Variants in THNSL1 observed in about 807,000 individuals in gnomAD.
THNSL1 encodes the protein threonine synthase like 1.
THNSL1 carries 48 observed loss-of-function variants against 50.4 expected under a neutral mutation model. The observed-to-expected ratio is 0.95, with a 90% CI of 0.76 to 1.21. The LOEUF is 1.21. THNSL1 is among the 50% of genes most tolerant of loss of function. The probability of loss-of-function intolerance (pLI) is 0.00; values close to 1 mark genes in which losing one functional copy is unlikely to be tolerated. For missense variants in THNSL1, 896 were observed against 871.7 expected, an observed-to-expected ratio of 1.03 and a Z score of -0.35; for synonymous variants, 309 against 306.1, an observed-to-expected ratio of 1.01 and a Z score of -0.10.
chr10:25,008,991 C>T, the THNSL1 span, among the ~76,000 whole-genome samples: 58 of 151,592 alleles, frequency 3.8e-4, no homozygotes, highest in African/African-American at 1.1e-3. Context: ...TCATTCTCAG[C>T]AAACTATCAC....
the THNSL1 span, among the ~76,000 whole-genome samples, chr10:25,007,204 T>C: frequency 6.6e-6 from 1 of 152,150 alleles, no homozygotes; most frequent in African/African-American, 2.4e-5. Context: ...AATATATTGT[T>C]AGTATTGCTT....
chr10:24,972,699 T>C, the THNSL1 span, among the ~76,000 whole-genome samples: 1 of 152,234 alleles, frequency 6.6e-6, no homozygotes, highest in African/African-American at 2.4e-5. Flanking sequence ...TAGCTTGGAA[T>C]AAAATCCCAG....
At chr10:25,021,644 A>T (rs1383048504) in intron 1 of THNSL1, 98 bp from the exon 2 acceptor site, 1 of 152,210 alleles carries the variant, frequency 6.6e-6, no homozygotes, top group Non-Finnish European at 1.5e-5. Flanking sequence ...GTATTTTTAA[A>T]ATTTCAGATG....
the THNSL1 span, among the ~76,000 whole-genome samples, chr10:25,006,796 C>G: frequency 6.6e-6 from 1 of 152,110 alleles, no homozygotes; most frequent in Non-Finnish European, 1.5e-5. Context: ...CTGTGCAAAC[C>G]AATTAAACTT....
At chr10:24,953,494 C>A in the THNSL1 span, 8 of 152,354 alleles carry the variant, frequency 5.3e-5, no homozygotes, top group African/African-American at 1.2e-4. Context: ...CTAAAGCAAT[C>A]GCTCTTTTCT....
chr10:24,995,899 T>G, the THNSL1 span: 1 of 1,558,438 alleles, frequency 6.4e-7, no homozygotes, highest in Non-Finnish European at 8.7e-7. Context: ...TTTGTTAATA[T>G]TAAACTACAA....
Position 25,024,414 on chromosome 10 carries a change from T to TAA in THNSL1, c.1192_1193dup (p.Gln399SerfsTer4). On this transcript the variant is annotated frameshift_variant, in exon 3 of 3. Transcript: ENST00000376356. LOFTEE classifies it high-confidence loss of function. ...GTTTTAGTCGTCTAAATAAGAATGA[T>TAA]AAGCAAAGGATAGCTGTGGTTGCAT... 1 of 1,613,964 alleles carries TAA rather than the reference T, an allele frequency of 6.2e-7. No individual in the cohort carries two copies. Among genetic ancestry groups the TAA allele is most frequent in the Non-Finnish European group, 8.5e-7 (1 of 1,180,018 alleles).
intron 1 of THNSL1, among the ~76,000 whole-genome samples, chr10:25,018,046 G>GC (rs1365722168): frequency 6.6e-6 from 1 of 152,108 alleles, no homozygotes; most frequent in African/African-American, 2.4e-5. Context: ...GCACCAACTG[G>GC]CCTTTGGTAG....
At chr10:25,017,479 C>G (rs1366125718) in intron 1 of THNSL1, among the ~76,000 whole-genome samples, 1 of 152,136 alleles carries the variant, frequency 6.6e-6, no homozygotes, top group Admixed American at 6.5e-5. Context: ...TTCTCACTGC[C>G]TGGTTGGCTG....
At chr10:25,010,324 C>T in the THNSL1 span, among the ~76,000 whole-genome samples, 1 of 151,990 alleles carries the variant, frequency 6.6e-6, no homozygotes, top group Admixed American at 6.6e-5. Context: ...GAGATGATTC[C>T]GGGCATCTGA....
At chr10:24,993,746 T>C in the THNSL1 span, among the ~76,000 whole-genome samples, 84 of 152,352 alleles carry the variant, frequency 5.5e-4, 1 homozygote, top group East Asian at 0.013. Flanking sequence ...CATGGTTTGG[T>C]AAACTCTGGT....
the THNSL1 span, among the ~76,000 whole-genome samples, chr10:24,990,302 A>G: frequency 6.6e-6 from 1 of 152,346 alleles, no homozygotes; most frequent in East Asian, 1.9e-4. Flanking sequence ...TGCTCTCTCC[A>G]AAGAGTCAGC....
At chr10:24,994,972 G>A in the THNSL1 span, among the ~76,000 whole-genome samples, 1 of 152,146 alleles carries the variant, frequency 6.6e-6, no homozygotes, top group Non-Finnish European at 1.5e-5. Flanking sequence ...AGTGAGCTGA[G>A]ATTGCACCAT....
chr10:24,970,738 T>C, the THNSL1 span, among the ~76,000 whole-genome samples: 1 of 148,020 alleles, frequency 6.8e-6, no homozygotes, highest in African/African-American at 2.5e-5. Context: ...AAAAAATAGT[T>C]TGGGGCCGGG....
the THNSL1 span, among the ~76,000 whole-genome samples, chr10:25,006,809 G>A: frequency 2.6e-5 from 4 of 152,098 alleles, no homozygotes; most frequent in Admixed American, 6.6e-5. Flanking sequence ...TTAAACTTAC[G>A]AGCTTTGGTA....
chr10:24,983,540 T>C, the THNSL1 span: 7 of 152,256 alleles, frequency 4.6e-5, no homozygotes, highest in Non-Finnish European at 4.4e-5. Context: ...TATATTATCC[T>C]TTATTTTATA....
the THNSL1 span, chr10:24,999,438 G>A: frequency 1.9e-6 from 3 of 1,612,146 alleles, no homozygotes; most frequent in East Asian, 6.7e-5. Flanking sequence ...GTTTCTTTAG[G>A]AAATCCTTTG....
chr10:24,962,296 G>A, the THNSL1 span, among the ~76,000 whole-genome samples: 1 of 152,122 alleles, frequency 6.6e-6, no homozygotes, highest in Non-Finnish European at 1.5e-5. Context: ...AGTATAAATA[G>A]TGATGGGTTC....
the THNSL1 span, among the ~76,000 whole-genome samples, chr10:25,001,385 G>T: frequency 6.6e-6 from 1 of 150,570 alleles, no homozygotes; most frequent in South Asian, 2.1e-4. Flanking sequence ...TTTTCTACTT[G>T]GGGTTAACTG....
Sources: gnomAD v4.1 joint callset for allele counts (sites outside exome capture counted in the v4.1 genomes callset) on GRCh38, gnomAD v4.1.1 for gene constraint, MANE v1.5 for transcripts, NCBI Gene and HGNC (gene_info 2026-07-23, HGNC 2026-07-21) for gene names.